ARID5A: variants seen among roughly 807,000 people sequenced by gnomAD.
ARID5A encodes AT-rich interaction domain 5A.
In ARID5A, 14 loss-of-function variants were observed where a neutral mutation model predicts 30.5. The ratio of observed to expected loss-of-function variants is 0.46; its 90% confidence interval spans 0.30 to 0.72. The LOEUF (loss-of-function observed/expected upper bound fraction) is 0.72, where lower values mean the gene tolerates loss of function less well. ARID5A is among the 30% of genes least tolerant of loss of function. The probability of loss-of-function intolerance (pLI) is 0.07; values close to 1 mark genes in which losing one functional copy is unlikely to be tolerated. For synonymous variants in ARID5A, 338 were observed against 340.4 expected (o/e 0.99, Z 0.08); for missense variants, 669 against 786.2 (o/e 0.85, Z 1.78).
At position 96,537,833 on chromosome 2, in the gene ARID5A, A is replaced by G. The variant is rs2065768257; in HGVS notation, c.4+1003A>G. On this transcript the variant is annotated intron_variant, in intron 1 of 6. Transcript: ENST00000357485. The surrounding 1 kb of genome is among the most constrained non-coding windows in gnomAD (Gnocchi z 4.8). Reference sequence around the variant, plus strand: ...CGCGGTGCAGGACCCCCGAGGGCCCAGGGGGTCCCAAGGCGCTGCGGGTCC... The same window carrying G: ...CGCGGTGCAGGACCCCCGAGGGCCCGGGGGGTCCCAAGGCGCTGCGGGTCC... 2.1e-6 allele frequency: 2 copies of G among 974,498 alleles called. No homozygotes were observed. Among genetic ancestry groups the G allele is most frequent in the Non-Finnish European group, 2.4e-6 (2 of 819,986 alleles). 60.4% of individuals were successfully genotyped at this position (974,498 alleles called of 1,614,324 possible). A position where few individuals can be genotyped will look rare whatever the true frequency, so the allele number is the denominator to read the frequency against.
rs1303499589 is a variant in ARID5A at position 96,550,328 on chromosome 2, C to A, written c.410+43C>A. 1 of 1,425,198 alleles carries A rather than the reference C, an allele frequency of 7.0e-7. No individual in the cohort carries two copies. Among genetic ancestry groups the A allele is most frequent in the Non-Finnish European group, 9.1e-7 (1 of 1,097,354 alleles). The allele number at this position is 1,425,198 out of a possible 1,614,324, so 88.3% of individuals were successfully genotyped here. A position where few individuals can be genotyped will look rare whatever the true frequency, so the allele number is the denominator to read the frequency against. ...CGGGTGCTGGACGCCGCCTACCCTG[C>A]GGGGCTTTGGCCGACCTTGCCGGGA... On this transcript the variant is annotated intron_variant, in intron 5 of 6. Transcript: ENST00000357485. This position sits in a 1 kb window ranked among gnomAD's most constrained non-coding sequence, Gnocchi z 6.6.
chr2:96,540,160 G>A (rs1365513566), intron 1 of ARID5A, among the ~76,000 whole-genome samples: 1 of 152,186 alleles, frequency 6.6e-6, no homozygotes, highest in Non-Finnish European at 1.5e-5. Context: ...GATTTGAGTC[G>A]GTGGAGCATG....
At position 96,549,362 on chromosome 2, in the gene ARID5A, G is replaced by A. The variant is rs775985830; in HGVS notation, c.162G>A (p.Glu54=). The A allele has an allele frequency of 2.5e-6, 4 of 1,613,632 alleles. No individual in the cohort carries two copies. Among genetic ancestry groups the A allele is most frequent in the Non-Finnish European group, 3.4e-6 (4 of 1,179,958 alleles). The change falls in exon 3 of 7, where the codon GAG becomes GAA. Residue 54 remains glutamate (E), a synonymous_variant. Transcript: ENST00000357485. This position sits in a 1 kb window ranked among gnomAD's most constrained non-coding sequence, Gnocchi z 6.1. The stretch of plus-strand genomic sequence containing the variant: ...GCGGGGAGCGGGAGGAGGAGCAGGA[G>A]CGGGAGGAGGAGCAGGCCTTCCTGG... ...EAGGEREEEQ[E]REEEQAFLVS...
At position 96,550,127 on chromosome 2, in the gene ARID5A, T is replaced by C. The variant is rs974940366; in HGVS notation, c.313-61T>C. Reference sequence around the variant, plus strand: ...GAGTCCCTGCGAGGGCGGCCGGAGCTGCAAGGACCCCGCCGCCAGGGGGCG... The same window carrying C: ...GAGTCCCTGCGAGGGCGGCCGGAGCCGCAAGGACCCCGCCGCCAGGGGGCG... On this transcript the variant is annotated intron_variant, in intron 4 of 6. Coordinates refer to ENST00000357485, the MANE Select transcript of ARID5A (RefSeq NM_212481.3). This position sits in a 1 kb window ranked among gnomAD's most constrained non-coding sequence, Gnocchi z 6.6. 3 of 1,531,028 alleles carry C rather than the reference T, an allele frequency of 2.0e-6. No homozygotes were observed. The highest frequency in any genetic ancestry group is 2.2e-4 in the Middle Eastern group (1 of 4,634). The allele number at this position is 1,531,028 out of a possible 1,614,324, so 94.8% of individuals were successfully genotyped here.
Position 96,549,051 on chromosome 2 carries a change from C to T in ARID5A, c.121-270C>T, listed in dbSNP as rs949810764. 1.3e-5 allele frequency among the ~76,000 whole-genome samples: 2 copies of T among 152,160 alleles called. No individual in the cohort carries two copies. The highest frequency in any genetic ancestry group is 6.5e-5 in the Admixed American group (1 of 15,272). On this transcript the variant is annotated intron_variant, in intron 2 of 6. Coordinates refer to ENST00000357485, the MANE Select transcript of ARID5A (RefSeq NM_212481.3). The surrounding 1 kb of genome is among the most constrained non-coding windows in gnomAD (Gnocchi z 6.1). ...CCTGGAGAAGGCTGGGGACTGCTCTCGTGGCAGCCTCTGGAGCCAGCTGCT... is the reference window on the plus strand; with the variant it reads ...CCTGGAGAAGGCTGGGGACTGCTCTTGTGGCAGCCTCTGGAGCCAGCTGCT...
chr2:96,541,855 G>A (rs771456217), intron 1 of ARID5A, among the ~76,000 whole-genome samples: 17 of 152,364 alleles, frequency 1.1e-4, no homozygotes, highest in South Asian at 8.3e-4. Flanking sequence ...GAACAAGGCA[G>A]TAGTGCGGTG....
intron 2 of ARID5A, among the ~76,000 whole-genome samples, chr2:96,548,390 C>T (rs977490960): frequency 5.3e-5 from 8 of 152,138 alleles, no homozygotes; most frequent in South Asian, 2.1e-4. Context: ...CTCAGCCTCC[C>T]GAGTAGCTGG....
At chr2:96,541,432 A>C (rs541169889) in intron 1 of ARID5A, among the ~76,000 whole-genome samples, 2 of 152,354 alleles carry the variant, frequency 1.3e-5, no homozygotes, top group Admixed American at 1.3e-4. Context: ...AAAGCTACAA[A>C]AATTAAAACA....
chr2:96,537,934 C>A lies in ARID5A; in HGVS notation c.4+1104C>A. The A allele has an allele frequency of 1.0e-6, 1 of 985,562 alleles. No homozygotes were observed. The highest frequency in any genetic ancestry group is 1.2e-6 in the Non-Finnish European group (1 of 830,026). 61.1% of individuals were successfully genotyped at this position (985,562 alleles called of 1,614,324 possible). On this transcript the variant is annotated intron_variant, in intron 1 of 6. Coordinates refer to ENST00000357485, the MANE Select transcript of ARID5A (RefSeq NM_212481.3). This position sits in a 1 kb window ranked among gnomAD's most constrained non-coding sequence, Gnocchi z 4.8. The stretch of plus-strand genomic sequence containing the variant: ...CCCCAGGGGAGGACAACAGGTGCCT[C>A]TTGCCCCACCCGGGCTCCTCTGGTG...
chr2:96,549,077 C>T lies in ARID5A; in HGVS notation c.121-244C>T, dbSNP rs2065978903. Among the ~76,000 whole-genome samples the T allele has an allele frequency of 6.6e-6, 1 of 152,186 alleles. No individual in the cohort carries two copies. The highest frequency in any genetic ancestry group is 1.5e-5 in the Non-Finnish European group (1 of 68,028). On this transcript the variant is annotated intron_variant, in intron 2 of 6. Transcript: ENST00000357485. This position sits in a 1 kb window ranked among gnomAD's most constrained non-coding sequence, Gnocchi z 6.1. ...GTGGCAGCCTCTGGAGCCAGCTGCT[C>T]TGGGGTACCCAGCCTCCGGGGAGGT...
chr2:96,537,182 T>C lies in ARID5A; in HGVS notation c.4+352T>C. Among the ~76,000 whole-genome samples, 1 of 152,176 alleles carries C rather than the reference T, an allele frequency of 6.6e-6. No homozygotes were observed. Among genetic ancestry groups the C allele is most frequent in the Non-Finnish European group, 1.5e-5 (1 of 68,020 alleles). On this transcript the variant is annotated intron_variant, in intron 1 of 6. Coordinates refer to ENST00000357485, the MANE Select transcript of ARID5A (RefSeq NM_212481.3). This position sits in a 1 kb window ranked among gnomAD's most constrained non-coding sequence, Gnocchi z 4.8. ...GCCCGGTACGGCTCTGTCGTCCCAC[T>C]TCCTGCTGCGGTTTCCACCTCGAGC...
rs1372193016 is a variant in ARID5A at position 96,537,617 on chromosome 2, G to A, written c.4+787G>A. The A allele has an allele frequency of 2.0e-5, 3 of 152,812 alleles. No individual in the cohort carries two copies. The highest frequency in any genetic ancestry group is 7.2e-5 in the African/African-American group (3 of 41,482). The allele number at this position is 152,812 out of a possible 1,614,324, so 9.5% of individuals were successfully genotyped here. On this transcript the variant is annotated intron_variant, in intron 1 of 6. Transcript: ENST00000357485. The surrounding 1 kb of genome is among the most constrained non-coding windows in gnomAD (Gnocchi z 4.8). ...TTCCCTCGGTCTGCAGAAGGGACGGGGTGGCGGCTGGGGAGCGTCAGGGGA... is the reference window on the plus strand; with the variant it reads ...TTCCCTCGGTCTGCAGAAGGGACGGAGTGGCGGCTGGGGAGCGTCAGGGGA...
rs553232984 is a variant in ARID5A, at chr2:96,551,171, A to G, written c.643A>G (p.Ser215Gly). 6.2e-5 allele frequency: 100 copies of G among 1,613,956 alleles called. 3 individuals carry two copies. In the South Asian group the frequency reaches 9.9e-4, roughly 16 times the overall value. ...TCCCAGCCAGGAGCCCCCCAGGAACAGCACAGAACAGCAGGGCCTGGCCTC... is the reference window on the plus strand; with the variant it reads ...TCCCAGCCAGGAGCCCCCCAGGAACGGCACAGAACAGCAGGGCCTGGCCTC... ...PLPSQEPPRN[S>G]TEQQGLASGS... The change falls in exon 7 of 7, where the codon AGC becomes GGC. Residue 215 changes from serine (S) to glycine (G), a missense_variant. By Grantham distance (56) the Ser-to-Gly change is moderately conservative. This residue lies in a region of ARID5A where 548 missense variants were observed against 577.4 expected (regional missense o/e 0.95). Transcript: ENST00000357485.
intron 1 of ARID5A, among the ~76,000 whole-genome samples, chr2:96,541,780 C>A (rs116169733): frequency 6.6e-6 from 1 of 152,246 alleles, no homozygotes; most frequent in Non-Finnish European, 1.5e-5. Context: ...TTTGATCCCC[C>A]ACTTCTGTTA....
At chr2:96,548,073 G>A (rs1000288922) in intron 2 of ARID5A, among the ~76,000 whole-genome samples, 4 of 152,200 alleles carry the variant, frequency 2.6e-5, no homozygotes, top group African/African-American at 9.7e-5. Context: ...GACTTGAGCA[G>A]TTATGAGAGA....
chr2:96,549,841 A>G lies in ARID5A; in HGVS notation c.312+36A>G, dbSNP rs1437827825. On this transcript the variant is annotated intron_variant, in intron 4 of 6. Coordinates refer to ENST00000357485, the MANE Select transcript of ARID5A (RefSeq NM_212481.3). This position sits in a 1 kb window ranked among gnomAD's most constrained non-coding sequence, Gnocchi z 6.1. ...CACCTCCCAGTCCTTGCCAAACTGC[A>G]TATCCCTGGGGTGAGCCTGCAGCGC... The G allele has an allele frequency of 1.9e-6, 3 of 1,603,336 alleles. No individual in the cohort carries two copies. The highest frequency in any genetic ancestry group is 1.3e-5 in the African/African-American group (1 of 74,950).
At position 96,550,692 on chromosome 2, in the gene ARID5A, G is replaced by T; in HGVS notation, c.529G>T (p.Glu177Ter). ...KENRGDDGATERPKKAKEERR... is the reference protein window; with the variant it reads ...KENRGDDGAT The stretch of plus-strand genomic sequence containing the variant: ...GAACAGGGGGGATGATGGGGCCACC[G>T]AGAGGCCGAAGAAGGCCAAGGAGGA... The change falls in exon 6 of 7, where the codon GAG becomes TAG. Residue 177 changes from glutamate to a stop codon, truncating the protein, a stop_gained. Coordinates refer to ENST00000357485, the MANE Select transcript of ARID5A (RefSeq NM_212481.3). LOFTEE classifies it low-confidence loss of function (END_TRUNC). The surrounding 1 kb of genome is among the most constrained non-coding windows in gnomAD (Gnocchi z 6.6). 6.3e-7 allele frequency: 1 copy of T among 1,596,864 alleles called. No homozygotes were observed. Among genetic ancestry groups the T allele is most frequent in the Admixed American group, 1.7e-5 (1 of 57,588 alleles).
chr2:96,544,819 T>C (rs935326201), intron 1 of ARID5A, among the ~76,000 whole-genome samples: 1 of 152,246 alleles, frequency 6.6e-6, no homozygotes, highest in Non-Finnish European at 1.5e-5. Context: ...TAGTGATTCC[T>C]CTGATGGGCA....
At chr2:96,538,875 C>T (rs563622188) in intron 1 of ARID5A, among the ~76,000 whole-genome samples, 1 of 152,024 alleles carries the variant, frequency 6.6e-6, no homozygotes, top group Non-Finnish European at 1.5e-5. Flanking sequence ...GTGAGTGGGG[C>T]GGGCAGCAGA....
Sources: gnomAD v4.1 joint callset for allele counts (sites outside exome capture counted in the v4.1 genomes callset) on GRCh38, gnomAD v4.1.1 for gene constraint, gnomAD v4.1.1 regional missense constraint, Gnocchi (gnomAD v3.1) non-coding constraint, MANE v1.5 for transcripts, NCBI Gene and HGNC (gene_info 2026-07-23, HGNC 2026-07-21) for gene names.